OPRK1: variants seen among roughly 807,000 people sequenced by gnomAD.
OPRK1 encodes the protein opioid receptor kappa 1, also known as kappa-type opioid receptor.
Under a neutral mutation model 24.5 loss-of-function variants are expected in OPRK1, and 15 were observed. That is an observed-to-expected ratio of 0.61 (90% CI 0.41 to 0.94). The LOEUF (loss-of-function observed/expected upper bound fraction) is 0.94, where lower values mean the gene tolerates loss of function less well. Among genes scored for constraint, OPRK1 ranks in the 40% least tolerant of loss-of-function variants. The pLI is 0.00. For synonymous variants in OPRK1, 205 were observed against 198.0 expected (o/e 1.04, Z -0.30); for missense variants, 479 against 507.3 (o/e 0.94, Z 0.54).
At position 53,238,521 on chromosome 8, in the gene OPRK1, G is replaced by A. The variant is rs1048390480; in HGVS notation, c.258-3410C>T. ...CAGGCCGGGAAAGAGGGCTTACCTG[G>A]GGAACTTGAGTTGTGAGCACCGGGA... On this transcript the variant is annotated intron_variant, in intron 2 of 3. Transcript: ENST00000265572. 7.1e-6 allele frequency: 7 copies of A among 985,296 alleles called. No individual in the cohort carries two copies. In the Admixed American group the frequency reaches 2.5e-4, roughly 35 times the overall value. 61.0% of individuals were successfully genotyped at this position (985,296 alleles called of 1,614,324 possible).
intron 3 of OPRK1, among the ~76,000 whole-genome samples, chr8:53,234,041 C>T (rs143748464): frequency 0.028 from 4,305 of 151,928 alleles, 64 homozygotes; most frequent in Non-Finnish European, 0.03. Flanking sequence ...ACTAAAAATA[C>T]AAAAATTAGC....
chr8:53,241,861 G>C (rs1375841790), intron 2 of OPRK1, among the ~76,000 whole-genome samples: 1 of 152,230 alleles, frequency 6.6e-6, no homozygotes, highest in East Asian at 1.9e-4. Flanking sequence ...AAGGGTAACG[G>C]GGAGCGATGA....
At chr8:53,243,676 A>T (rs1459532281) in intron 2 of OPRK1, among the ~76,000 whole-genome samples, 1 of 152,228 alleles carries the variant, frequency 6.6e-6, no homozygotes, top group Non-Finnish European at 1.5e-5. Context: ...CTCTTTCAAA[A>T]GGTTGTCAAA....
chr8:53,250,912 G>C lies in OPRK1; in HGVS notation c.126C>G (p.Ala42=). The C allele has an allele frequency of 6.2e-7, 1 of 1,611,794 alleles. No homozygotes were observed. The highest frequency in any genetic ancestry group is 8.5e-7 in the Non-Finnish European group (1 of 1,179,324). ...GCTCCAGCTGCGCGTCCTCCGAGCC[G>C]GCGCTGCCGTTGCTGTCGGGCTCGG... The part of the protein sequence containing the change: ...GWAEPDSNGS[A]GSEDAQLEPA... The change falls in exon 2 of 4, where the codon GCC becomes GCG. Residue 42 remains alanine, a synonymous_variant. Coordinates refer to ENST00000265572, the MANE Select transcript of OPRK1 (RefSeq NM_000912.5).
chr8:53,246,644 T>G (rs1807236647), intron 2 of OPRK1, among the ~76,000 whole-genome samples: 1 of 152,044 alleles, frequency 6.6e-6, no homozygotes, highest in Non-Finnish European at 1.5e-5. Flanking sequence ...TAGCCTTGGA[T>G]AGAAGGAAGG....
intron 2 of OPRK1, among the ~76,000 whole-genome samples, chr8:53,241,930 G>C (rs994103762): frequency 1.3e-5 from 2 of 152,162 alleles, no homozygotes; most frequent in Non-Finnish European, 2.9e-5. Flanking sequence ...CAGTTGTCCC[G>C]GCTGTGGAAT....
intron 2 of OPRK1, chr8:53,238,730 T>G (rs984558732): frequency 8.6e-5 from 85 of 985,232 alleles, no homozygotes; most frequent in Non-Finnish European, 9.8e-5. Flanking sequence ...TCTGCTGAGA[T>G]GTCAGGAACC....
chr8:53,237,926 G>A (rs936447997), intron 2 of OPRK1, among the ~76,000 whole-genome samples: 17 of 152,118 alleles, frequency 1.1e-4, no homozygotes, highest in Non-Finnish European at 2.5e-4. Context: ...GGCAAGGCAG[G>A]GCCCCCTTCC....
chr8:53,226,420 C>T lies in OPRK1; in HGVS notation c.*2877G>A, dbSNP rs1325241414. 1.3e-5 allele frequency: 2 copies of T among 152,212 alleles called. No homozygotes were observed. Among genetic ancestry groups the T allele is most frequent in the African/African-American group, 4.8e-5 (2 of 41,434 alleles). The allele number at this position is 152,212 out of a possible 1,614,324, so 9.4% of individuals were successfully genotyped here. A position where few individuals can be genotyped will look rare whatever the true frequency, so the allele number is the denominator to read the frequency against. ...CTGACCCCTCGTTAGGACCTGTCTTCCAGACCTTCTTACCAGGGTGGAAAG... is the reference window on the plus strand; with the variant it reads ...CTGACCCCTCGTTAGGACCTGTCTTTCAGACCTTCTTACCAGGGTGGAAAG... On this transcript the variant is annotated 3_prime_UTR_variant, in exon 4 of 4. Coordinates refer to ENST00000265572, the MANE Select transcript of OPRK1 (RefSeq NM_000912.5).
chr8:53,229,578 T>C lies in OPRK1; in HGVS notation c.862A>G (p.Thr288Ala). The change falls in exon 4 of 4, where the codon ACT (threonine) becomes GCT (alanine). Residue 288 changes from threonine (T) to alanine (A), a missense_variant. By Grantham distance (58) the Thr-to-Ala change is moderately conservative (BLOSUM62 0). Coordinates refer to ENST00000265572, the MANE Select transcript of OPRK1 (RefSeq NM_000912.5). ...ACCAGGATGAATATGTGAATGGGAGTCCAGCAGACGACGAAGACTGCCACC... is the reference window on the plus strand; with the variant it reads ...ACCAGGATGAATATGTGAATGGGAGCCCAGCAGACGACGAAGACTGCCACC... Reference protein sequence around the residue: ...VVVAVFVVCWTPIHIFILVEA... With the variant: ...VVVAVFVVCWAPIHIFILVEA... 6.2e-7 allele frequency: 1 copy of C among 1,613,464 alleles called. No individual in the cohort carries two copies. Among genetic ancestry groups the C allele is most frequent in the Non-Finnish European group, 8.5e-7 (1 of 1,179,852 alleles).
intron 1 of OPRK1, 113 bp downstream of exon 1, chr8:53,251,335 C>G (rs16918955): frequency 2.2e-6 from 1 of 460,252 alleles, no homozygotes; most frequent in Non-Finnish European, 3.8e-6. Flanking sequence ...TTCTAGGCAC[C>G]GGCCCCTGGT....
Position 53,229,208 on chromosome 8 carries a change from T to C in OPRK1, c.*89A>G. On this transcript the variant is annotated 3_prime_UTR_variant, in exon 4 of 4. Transcript: ENST00000265572. ...GTTTATTTTAAATTCTATCTTTTCA[T>C]GTCAGACTGCAGTAGTGATCTGAGT... 2 of 1,413,336 alleles carry C rather than the reference T, an allele frequency of 1.4e-6. No homozygotes were observed. 87.5% of individuals were successfully genotyped at this position (1,413,336 alleles called of 1,614,324 possible).
intron 3 of OPRK1, among the ~76,000 whole-genome samples, chr8:53,231,367 T>C (rs1200247046): frequency 6.6e-6 from 1 of 152,134 alleles, no homozygotes; most frequent in South Asian, 2.1e-4. Flanking sequence ...GGTAGAAGAG[T>C]TTCCTTGGAG....
chr8:53,248,299 C>T (rs1043111701), intron 2 of OPRK1, among the ~76,000 whole-genome samples: 2 of 152,048 alleles, frequency 1.3e-5, no homozygotes, highest in African/African-American at 4.8e-5. Context: ...GCTCTTTCTC[C>T]CCAGGTCTGA....
chr8:53,235,984 A>G (rs983444396), intron 2 of OPRK1, among the ~76,000 whole-genome samples: 1 of 152,230 alleles, frequency 6.6e-6, no homozygotes, highest in East Asian at 1.9e-4. Flanking sequence ...TCCATAGAGT[A>G]TTAAATAAAT....
chr8:53,242,775 G>A (rs147754584), intron 2 of OPRK1: 50,215 of 1,176,308 alleles, frequency 0.043, 1,451 homozygotes, highest in East Asian at 0.15. Flanking sequence ...CAAAGTGCTG[G>A]GATTACGGGC....
At chr8:53,240,423 G>A (rs893147298) in intron 2 of OPRK1, among the ~76,000 whole-genome samples, 1 of 152,130 alleles carries the variant, frequency 6.6e-6, no homozygotes, top group African/African-American at 2.4e-5. Flanking sequence ...CAAATGCCAT[G>A]GACCCACAGG....
rs16918842 is a variant in OPRK1, at chr8:53,226,264, C to A, written c.*3033G>T. 6.6e-6 allele frequency: 1 copy of A among 151,832 alleles called. No homozygotes were observed. Among genetic ancestry groups the A allele is most frequent in the East Asian group, 1.9e-4 (1 of 5,194 alleles). 9.4% of individuals were successfully genotyped at this position (151,832 alleles called of 1,614,324 possible). A position where few individuals can be genotyped will look rare whatever the true frequency, so the allele number is the denominator to read the frequency against. On this transcript the variant is annotated 3_prime_UTR_variant, in exon 4 of 4. Transcript: ENST00000265572. The stretch of plus-strand genomic sequence containing the variant: ...ATTAAGCCTAGAGTTTTGACTTAAA[C>A]TCGAAGGATGCTCTTAGATTGGTAA...
At chr8:53,245,128 T>TA (rs1807200524) in intron 2 of OPRK1, among the ~76,000 whole-genome samples, 1 of 152,268 alleles carries the variant, frequency 6.6e-6, no homozygotes, top group Non-Finnish European at 1.5e-5. Context: ...AGGTGCAATT[T>TA]AAAAAAACAA....
Sources: gnomAD v4.1 joint callset for allele counts (sites outside exome capture counted in the v4.1 genomes callset) on GRCh38, gnomAD v4.1.1 for gene constraint, MANE v1.5 for transcripts, NCBI Gene and HGNC (gene_info 2026-07-23, HGNC 2026-07-21) for gene names.